GCLC: variants seen among roughly 807,000 people sequenced by gnomAD.
GCLC encodes the protein glutamate-cysteine ligase catalytic subunit.
Under a neutral mutation model 81.5 loss-of-function variants are expected in GCLC, and 30 were observed. The ratio of observed to expected loss-of-function variants is 0.37; its 90% CI spans 0.28 to 0.50. The LOEUF (loss-of-function observed/expected upper bound fraction) is 0.50, where lower values mean the gene tolerates loss of function less well. Among genes scored for constraint, GCLC ranks in the 20% least tolerant of loss-of-function variants. The probability of loss-of-function intolerance (pLI) is 0.96; values close to 1 mark genes in which losing one functional copy is unlikely to be tolerated. For synonymous variants in GCLC, 262 were observed against 273.3 expected, an observed-to-expected ratio of 0.96 and a Z score of 0.41; for missense variants, 556 against 777.4, an observed-to-expected ratio of 0.72 and a Z score of 3.39.
intron 1 of GCLC, among the ~76,000 whole-genome samples, chr6:53,527,224 T>C (rs1763098830): frequency 6.6e-6 from 1 of 152,170 alleles, no homozygotes; most frequent in African/African-American, 2.4e-5. Context: ...AGGTAGAGTA[T>C]GCGTGCAGGG....
chr6:53,514,729 C>CCTG (rs1220925786), intron 4 of GCLC, among the ~76,000 whole-genome samples: 2 of 152,188 alleles, frequency 1.3e-5, no homozygotes, highest in Non-Finnish European at 2.9e-5. Context: ...CGTTCTGTCT[C>CCTG]CTGCTCAACC....
chr6:53,519,481 C>A (rs1762947341), intron 3 of GCLC, among the ~76,000 whole-genome samples: 1 of 145,866 alleles, frequency 6.9e-6, no homozygotes, highest in Non-Finnish European at 1.5e-5. Context: ...CTCCCCATCT[C>A]CTCCTGCTAG....
At chr6:53,511,266 G>C (rs1286001326) in intron 6 of GCLC, among the ~76,000 whole-genome samples, 1 of 151,618 alleles carries the variant, frequency 6.6e-6, no homozygotes, top group South Asian at 2.1e-4. Flanking sequence ...GAAAGACCGG[G>C]ACCCCAAAAG....
At chr6:53,521,790 G>A (rs959122676) in intron 2 of GCLC, among the ~76,000 whole-genome samples, 7 of 152,068 alleles carry the variant, frequency 4.6e-5, no homozygotes, top group Admixed American at 1.3e-4. Context: ...TGGCTAACAC[G>A]GTGAAACCCC....
At position 53,514,344 on chromosome 6, in the gene GCLC, TATAAAAATACAAAA is replaced by T. The variant is rs1250496525; in HGVS notation, c.620-21_620-8del. The T allele has an allele frequency of 6.3e-7, 1 of 1,589,714 alleles. No homozygotes were observed. The highest frequency in any genetic ancestry group is 8.6e-7 in the Non-Finnish European group (1 of 1,157,880). Reference sequence around the variant, plus strand: ...GTATTCTTGTCCTTAAATACTGTATTATAAAAATACAAAAATAAAAATGGTTTAGAATCCAGGAT... The same window carrying T: ...GTATTCTTGTCCTTAAATACTGTATTATAAAAATGGTTTAGAATCCAGGAT... On this transcript the variant is annotated splice_region_variant and splice_polypyrimidine_tract_variant and intron_variant, in intron 5 of 15. Transcript: ENST00000650454.
At position 53,544,718 on chromosome 6, in the gene GCLC, T is replaced by G. The variant is rs1318128423; in HGVS notation, c.-73A>C. On this transcript the variant is annotated 5_prime_UTR_variant, in exon 1 of 16. Transcript: ENST00000650454. ...CCCGCTCCGGGCGCGAGACGGACAC[T>G]CAGCCGCCCGCAGAAGGCGGCTGCC... is the stretch of plus-strand genomic sequence containing the variant. The G allele has an allele frequency of 7.0e-7, 1 of 1,435,280 alleles. No individual in the cohort carries two copies. Among genetic ancestry groups the G allele is most frequent in the Non-Finnish European group, 9.3e-7 (1 of 1,074,564 alleles). 88.9% of individuals were successfully genotyped at this position (1,435,280 alleles called of 1,614,324 possible). A position where few individuals can be genotyped will look rare whatever the true frequency, so the allele number is the denominator to read the frequency against.
In GCLC at chr6:53,506,836, A is replaced by T; in HGVS notation, c.1197+77T>A. 1.3e-6 allele frequency: 1 copy of T among 796,776 alleles called. No homozygotes were observed. Among genetic ancestry groups the T allele is most frequent in the Non-Finnish European group, 2.2e-6 (1 of 455,490 alleles). 49.4% of individuals were successfully genotyped at this position (796,776 alleles called of 1,614,324 possible). On this transcript the variant is annotated intron_variant, in intron 10 of 15. Coordinates refer to ENST00000650454, the MANE Select transcript of GCLC (RefSeq NM_001498.4). This position sits in a 1 kb window ranked among gnomAD's most constrained non-coding sequence, Gnocchi z 4.0. The stretch of plus-strand genomic sequence containing the variant: ...CCTCCCCATGTTGGTTTGTGAAGTG[A>T]AATGCATATAAAACAGAGGATTCCA...
At chr6:53,532,156 A>G (rs1763182068) in intron 1 of GCLC, among the ~76,000 whole-genome samples, 1 of 152,232 alleles carries the variant, frequency 6.6e-6, no homozygotes. Context: ...TACTACACAT[A>G]CTTTCACTTT....
rs1297280411 is a variant in GCLC, at chr6:53,544,707, G to C, written c.-62C>G. On this transcript the variant is annotated 5_prime_UTR_variant, in exon 1 of 16. Transcript: ENST00000650454. ...GACGGCGGTCGCCCGCTCCGGGCGC[G>C]AGACGGACACTCAGCCGCCCGCAGA... is the stretch of plus-strand genomic sequence containing the variant. 2.0e-6 allele frequency: 3 copies of C among 1,500,788 alleles called. No individual in the cohort carries two copies. Among genetic ancestry groups the C allele is most frequent in the Non-Finnish European group, 2.7e-6 (3 of 1,118,714 alleles). 93.0% of individuals were successfully genotyped at this position (1,500,788 alleles called of 1,614,324 possible). A position where few individuals can be genotyped will look rare whatever the true frequency, so the allele number is the denominator to read the frequency against.
chr6:53,512,600 CTT>C (rs1412219307), intron 6 of GCLC, among the ~76,000 whole-genome samples: 1 of 152,084 alleles, frequency 6.6e-6, no homozygotes. Context: ...GTGCCACACA[CTT>C]TATCTGAGCT....
chr6:53,526,804 A>C (rs1186663851), intron 1 of GCLC, among the ~76,000 whole-genome samples: 1 of 151,970 alleles, frequency 6.6e-6, no homozygotes, highest in Non-Finnish European at 1.5e-5. Context: ...CCTCAAAAAA[A>C]AAAAAAAAAA....
chr6:53,526,251 T>C (rs1045347617), intron 1 of GCLC, among the ~76,000 whole-genome samples: 1 of 152,218 alleles, frequency 6.6e-6, no homozygotes. Flanking sequence ...GAGGTACTTT[T>C]ATGTTAATCT....
chr6:53,500,843 G>T (rs973379785), intron 12 of GCLC: 5 of 393,914 alleles, frequency 1.3e-5, no homozygotes, highest in Admixed American at 1.1e-4. Flanking sequence ...GCAGGTGGCT[G>T]GTTCCCTTTA....
At chr6:53,537,360 G>T (rs140385466) in intron 1 of GCLC, among the ~76,000 whole-genome samples, 3 of 152,346 alleles carry the variant, frequency 2.0e-5, no homozygotes, top group Admixed American at 6.5e-5. Flanking sequence ...CGACAACTTT[G>T]CTTTTTGTGT....
Position 53,544,739 on chromosome 6 carries a change from C to G in GCLC, c.-94G>C, listed in dbSNP as rs985108100. ...ACACTCAGCCGCCCGCAGAAGGCGG[C>G]TGCCGCTCCACCCCGCGGGGGCGCT... On this transcript the variant is annotated 5_prime_UTR_variant, in exon 1 of 16. Transcript: ENST00000650454. The G allele has an allele frequency of 7.8e-6, 10 of 1,276,422 alleles. No homozygotes were observed. The highest frequency in any genetic ancestry group is 2.7e-4 in the Middle Eastern group (1 of 3,762). 79.1% of individuals were successfully genotyped at this position (1,276,422 alleles called of 1,614,324 possible).
intron 4 of GCLC, among the ~76,000 whole-genome samples, chr6:53,515,447 T>C (rs1764850453): frequency 6.6e-6 from 1 of 152,264 alleles, no homozygotes; most frequent in South Asian, 2.1e-4. Flanking sequence ...TACAAATATC[T>C]GTCTTCCCCA....
At position 53,498,707 on chromosome 6, in the gene GCLC, G is replaced by T; in HGVS notation, c.*49C>A. 8.8e-7 allele frequency: 1 copy of T among 1,134,400 alleles called. No homozygotes were observed. Among genetic ancestry groups the T allele is most frequent in the Non-Finnish European group, 1.3e-6 (1 of 743,988 alleles). 70.3% of individuals were successfully genotyped at this position (1,134,400 alleles called of 1,614,324 possible). On this transcript the variant is annotated 3_prime_UTR_variant, in exon 16 of 16. Coordinates refer to ENST00000650454, the MANE Select transcript of GCLC (RefSeq NM_001498.4). ...TACACACGGGCTGGCTGAGAGGCAT[G>T]GTACTGTAGCCAGTTCGTCAATAAT...
chr6:53,533,882 C>T (rs1561950908), intron 1 of GCLC, among the ~76,000 whole-genome samples: 1 of 151,614 alleles, frequency 6.6e-6, no homozygotes, highest in African/African-American at 2.4e-5. Context: ...GCAACCTCTG[C>T]CTCTCAGGTT....
Position 53,544,726 on chromosome 6 carries a change from C to G in GCLC, c.-81G>C. 1 of 1,380,954 alleles carries G rather than the reference C, an allele frequency of 7.2e-7. No individual in the cohort carries two copies. Among genetic ancestry groups the G allele is most frequent in the Non-Finnish European group, 9.7e-7 (1 of 1,032,034 alleles). 85.5% of individuals were successfully genotyped at this position (1,380,954 alleles called of 1,614,324 possible). A position where few individuals can be genotyped will look rare whatever the true frequency, so the allele number is the denominator to read the frequency against. Reference sequence around the variant, plus strand: ...GGGCGCGAGACGGACACTCAGCCGCCCGCAGAAGGCGGCTGCCGCTCCACC... The same window carrying G: ...GGGCGCGAGACGGACACTCAGCCGCGCGCAGAAGGCGGCTGCCGCTCCACC... On this transcript the variant is annotated 5_prime_UTR_variant, in exon 1 of 16. Coordinates refer to ENST00000650454, the MANE Select transcript of GCLC (RefSeq NM_001498.4).
Sources: gnomAD v4.1 joint callset for allele counts (sites outside exome capture counted in the v4.1 genomes callset) on GRCh38, gnomAD v4.1.1 for gene constraint, Gnocchi (gnomAD v3.1) non-coding constraint, MANE v1.5 for transcripts, NCBI Gene and HGNC (gene_info 2026-07-23, HGNC 2026-07-21) for gene names.